SYT14: variants seen among roughly 807,000 people sequenced by gnomAD.
SYT14 encodes the protein synaptotagmin 14.
In SYT14, 32 loss-of-function variants were observed where a neutral mutation model predicts 74.2. That is an observed-to-expected ratio of 0.43 (90% confidence interval 0.33 to 0.58). The LOEUF is 0.58. Among genes scored for constraint, SYT14 ranks in the 20% least tolerant of loss-of-function variants. The pLI is 0.05. For synonymous variants in SYT14, 298 were observed against 337.7 expected (o/e 0.88, Z 1.29); for missense variants, 791 against 981.8 (o/e 0.81, Z 2.60).
rs996494742 is a variant in SYT14 at position 210,081,330 on chromosome 1, A to G, written c.1313-12992A>G. On this transcript the variant is annotated intron_variant, in intron 5 of 9. Transcript: ENST00000637265. Reference sequence around the variant, plus strand: ...AGCAAGACTAAGTCTGCTTCTGGGTATAGTTAAGGATGTTCAGGCATACCT... The same window carrying G: ...AGCAAGACTAAGTCTGCTTCTGGGTGTAGTTAAGGATGTTCAGGCATACCT... 5.3e-5 allele frequency among the ~76,000 whole-genome samples: 8 copies of G among 152,220 alleles called. 1 individual carries two copies. The highest frequency in any genetic ancestry group is 8.8e-5 in the Non-Finnish European group (6 of 68,034).
chr1:209,949,355 A>T (rs1004740741), intron 1 of SYT14, among the ~76,000 whole-genome samples: 6 of 152,030 alleles, frequency 3.9e-5, no homozygotes, highest in Admixed American at 1.3e-4. Context: ...CGGGCGGATC[A>T]TGAGGTCAAG....
intron 5 of SYT14, among the ~76,000 whole-genome samples, chr1:210,036,441 T>G (rs1290173718): frequency 1.3e-5 from 2 of 152,142 alleles, no homozygotes; most frequent in African/African-American, 4.8e-5. Context: ...CTTGCCTGAT[T>G]GCTCTGCCTA....
exon 7 of SYT14, chr1:210,100,381 A>G: frequency 6.2e-7 from 1 of 1,613,776 alleles, no homozygotes; most frequent in East Asian, 2.2e-5. Flanking sequence ...TGTGGGGGAA[A>G]AGATTTTTTA....
chr1:210,018,719 A>C (rs1385069347), intron 4 of SYT14, among the ~76,000 whole-genome samples: 1 of 152,240 alleles, frequency 6.6e-6, no homozygotes, highest in Non-Finnish European at 1.5e-5. Flanking sequence ...CTAAACTTAT[A>C]CACGCAATGT....
chr1:210,160,877 C>T (rs1281857665), exon 10 of SYT14: 4 of 1,613,984 alleles, frequency 2.5e-6, no homozygotes, highest in Middle Eastern at 1.6e-4. Context: ...ATGTGACACT[C>T]ATACTGTCTG....
chr1:210,139,353 C>T (rs2102665506), intron 7 of SYT14, among the ~76,000 whole-genome samples: 1 of 138,928 alleles, frequency 7.2e-6, no homozygotes, highest in South Asian at 2.3e-4. Context: ...GCTAGGATTA[C>T]AGGTGTGAGC....
chr1:210,077,739 C>G (rs1283285937), intron 5 of SYT14, among the ~76,000 whole-genome samples: 1 of 152,104 alleles, frequency 6.6e-6, no homozygotes, highest in East Asian at 1.9e-4. Flanking sequence ...TTCATACCTA[C>G]CGATACTTAC....
chr1:209,952,741 A>G, exon 2 of SYT14: 1 of 1,610,774 alleles, frequency 6.2e-7, no homozygotes, highest in Non-Finnish European at 8.5e-7. Context: ...ACATGAACTT[A>G]TCTGTATTAG....
At chr1:210,074,233 A>T (rs527651005) in intron 5 of SYT14, among the ~76,000 whole-genome samples, 1 of 152,238 alleles carries the variant, frequency 6.6e-6, no homozygotes, top group Admixed American at 6.5e-5. Flanking sequence ...CAAAGCACTT[A>T]AAACATTAAC....
At chr1:210,002,014 A>C (rs2079909670) in intron 2 of SYT14, among the ~76,000 whole-genome samples, 1 of 152,200 alleles carries the variant, frequency 6.6e-6, no homozygotes, top group Non-Finnish European at 1.5e-5. Flanking sequence ...CATTCTGGAC[A>C]CTGTGATAAG....
At chr1:210,040,821 G>A (rs1347925681) in intron 5 of SYT14, among the ~76,000 whole-genome samples, 1 of 152,140 alleles carries the variant, frequency 6.6e-6, no homozygotes, top group Admixed American at 6.6e-5. Flanking sequence ...AAAGTTTGAA[G>A]ACTATTTGGT....
Position 210,161,018 on chromosome 1 carries a change from A to C in SYT14, c.2571A>C (p.Arg857Ser), listed in dbSNP as rs1255071936. The C allele has an allele frequency of 5.0e-6, 8 of 1,613,886 alleles. No individual in the cohort carries two copies. Among genetic ancestry groups the C allele is most frequent in the Non-Finnish European group, 6.8e-6 (8 of 1,179,820 alleles). Residue 857 changes from arginine (R) to serine (S), a missense_variant, in exon 10 of 10, where the codon AGA becomes AGC. Physicochemically the swap from Arg to Ser is moderately radical, Grantham distance 110 (BLOSUM62 -1). Transcript: ENST00000637265. The stretch of plus-strand genomic sequence containing the variant: ...AGTCAAAAGGACAGCAAGTATGTAG[A>C]TGGCATGCGTTGCTAGAGTCATGAT...
At chr1:209,969,841 T>C (rs566861517) in intron 2 of SYT14, among the ~76,000 whole-genome samples, 15 of 152,290 alleles carry the variant, frequency 9.8e-5, no homozygotes, top group African/African-American at 2.9e-4. Flanking sequence ...TTTTCATGTT[T>C]GTTGGCTGCT....
intron 7 of SYT14, among the ~76,000 whole-genome samples, chr1:210,138,667 T>C (rs1007931262): frequency 1.3e-5 from 2 of 152,204 alleles, no homozygotes; most frequent in African/African-American, 2.4e-5. Flanking sequence ...CACTGCTTTT[T>C]CTATATTTAA....
chr1:209,940,540 C>G (rs1243322006), intron 1 of SYT14, among the ~76,000 whole-genome samples: 4 of 152,268 alleles, frequency 2.6e-5, no homozygotes, highest in Admixed American at 1.3e-4. Flanking sequence ...GATGGATCAT[C>G]TTTCCTTTGT....
chr1:209,992,251 C>T (rs910409243), intron 2 of SYT14, among the ~76,000 whole-genome samples: 21 of 152,050 alleles, frequency 1.4e-4, no homozygotes, highest in African/African-American at 5.1e-4. Context: ...TTCAAGTAAT[C>T]CTCCTGCCTC....
At chr1:209,957,553 A>T (rs1483096425) in intron 2 of SYT14, among the ~76,000 whole-genome samples, 1 of 151,786 alleles carries the variant, frequency 6.6e-6, no homozygotes, top group African/African-American at 2.4e-5. Context: ...CAGCCTCCCA[A>T]GTAGCTGGGA....
chr1:209,946,283 G>A (rs1281642430), intron 1 of SYT14, among the ~76,000 whole-genome samples: 1 of 152,210 alleles, frequency 6.6e-6, no homozygotes, highest in Non-Finnish European at 1.5e-5. Flanking sequence ...TAATCCTAGT[G>A]AGGAAGGCAT....
chr1:209,964,464 T>G (rs75134455), intron 2 of SYT14, among the ~76,000 whole-genome samples: 8,397 of 152,280 alleles, frequency 0.055, 345 homozygotes, highest in Non-Finnish European at 0.086. Flanking sequence ...TACACTGCTT[T>G]TATTATTGAG....
Sources: gnomAD v4.1 joint callset for allele counts (sites outside exome capture counted in the v4.1 genomes callset) on GRCh38, gnomAD v4.1.1 for gene constraint, MANE v1.5 for transcripts, NCBI Gene and HGNC (gene_info 2026-07-23, HGNC 2026-07-21) for gene names.